The following DIP2A variants were observed in gnomAD, a reference collection of about 807,000 sequenced individuals.
DIP2A encodes the protein disco-interacting protein 2 homolog A.
DIP2A carries 85 observed loss-of-function variants against 177.4 expected under a neutral mutation model. The observed-to-expected ratio is 0.48, with a 90% confidence interval of 0.40 to 0.57. The LOEUF is 0.57. Ranked by LOEUF, DIP2A falls within the 20% of genes least tolerant of loss-of-function variation. DIP2A has a pLI of 0.00. For missense variants in DIP2A, 1,791 were observed against 2,100.2 expected (o/e 0.85, Z 2.88); for synonymous variants, 886 against 881.8 (o/e 1.00, Z -0.08).
chr21:46,574,225 T>C (rs2148936031), downstream of DIP2A, among the ~76,000 whole-genome samples: 1 of 151,976 alleles, frequency 6.6e-6, no homozygotes, highest in South Asian at 2.1e-4. Flanking sequence ...TTAGTGAAAA[T>C]TAACACACTT....
chr21:46,558,597 T>G (rs2060556389), intron 32 of DIP2A: 2 of 608,646 alleles, frequency 3.3e-6, no homozygotes, highest in East Asian at 5.7e-5. Flanking sequence ...AAGGCTTATT[T>G]GGAAAAAAAA....
the DIP2A span, among the ~76,000 whole-genome samples, chr21:46,577,410 T>C: frequency 6.6e-6 from 1 of 152,224 alleles, no homozygotes; most frequent in African/African-American, 2.4e-5. Flanking sequence ...TTGCTTGTTT[T>C]TGTCATGTTT....
chr21:46,555,445 G>A (rs879649746), intron 28 of DIP2A: 1 of 197,860 alleles, frequency 5.1e-6, no homozygotes, highest in Non-Finnish European at 1.1e-5. Flanking sequence ...GGCAGGCTCA[G>A]AGCCAAACAG....
the DIP2A span, among the ~76,000 whole-genome samples, chr21:46,582,542 C>T: frequency 6.6e-6 from 1 of 152,154 alleles, no homozygotes; most frequent in East Asian, 1.9e-4. Flanking sequence ...TCACTGCCTC[C>T]CTTGGCTGGG....
the DIP2A span, among the ~76,000 whole-genome samples, chr21:46,582,178 A>G: frequency 6.6e-6 from 1 of 152,138 alleles, no homozygotes; most frequent in Non-Finnish European, 1.5e-5. Context: ...CTGCCCATTG[A>G]CGGGGAATGG....
Position 46,568,575 on chromosome 21 carries a change from A to G in DIP2A, c.*953A>G, listed in dbSNP as rs532996717. 1 of 152,358 alleles carries G rather than the reference A, an allele frequency of 6.6e-6. No individual in the cohort carries two copies. Among genetic ancestry groups the G allele is most frequent in the African/African-American group, 2.4e-5 (1 of 41,588 alleles). 9.4% of individuals were successfully genotyped at this position (152,358 alleles called of 1,614,324 possible). On this transcript the variant is annotated 3_prime_UTR_variant, in exon 38 of 38. Coordinates refer to ENST00000417564, the MANE Select transcript of DIP2A (RefSeq NM_015151.4). ...CAGCATGTATTGTCACGGACACTCAATAAGTGCCATTTTGGACTGTCAAAT... is the reference window on the plus strand; with the variant it reads ...CAGCATGTATTGTCACGGACACTCAGTAAGTGCCATTTTGGACTGTCAAAT...
At position 46,539,931 on chromosome 21, in the gene DIP2A, G is replaced by C; in HGVS notation, c.1976G>C (p.Arg659Thr). The C allele has an allele frequency of 1.1e-5, 18 of 1,614,060 alleles. No individual in the cohort carries two copies. The highest frequency in any genetic ancestry group is 1.5e-5 in the Non-Finnish European group (18 of 1,179,900). Residue 659 changes from arginine (R) to threonine (T), a missense_variant, in exon 17 of 38, where the codon AGG becomes ACG. By Grantham distance (71) the Arg-to-Thr change is moderately conservative (BLOSUM62 -1). Coordinates refer to ENST00000417564, the MANE Select transcript of DIP2A (RefSeq NM_015151.4). ...AACGTCTTCCAGTCCAGAGGTCTGAGGCCAGAGGTCATCTGTCCTTGTGCA... is the reference window on the plus strand; with the variant it reads ...AACGTCTTCCAGTCCAGAGGTCTGACGCCAGAGGTCATCTGTCCTTGTGCA... ...FLNVFQSRGL[R>T]PEVICPCASS...
rs75991528 is a variant in DIP2A, at chr21:46,507,647, C to T, written c.785-1610C>T. 2.8e-3 allele frequency among the ~76,000 whole-genome samples: 406 copies of T among 144,702 alleles called. 4 individuals carry two copies. Among genetic ancestry groups the T allele is most frequent in the African/African-American group, 1.0e-2 (391 of 39,288 alleles). The allele number at this position is 144,702 out of a possible 152,430, so 94.9% of individuals were successfully genotyped here. ...TTTTCTTAAAATTCTTGAAATTATACAGTTTGAGTCCTCCAACTCTGCTTT... is the reference window on the plus strand; with the variant it reads ...TTTTCTTAAAATTCTTGAAATTATATAGTTTGAGTCCTCCAACTCTGCTTT... On this transcript the variant is annotated intron_variant, in intron 6 of 37. Coordinates refer to ENST00000417564, the MANE Select transcript of DIP2A (RefSeq NM_015151.4).
At chr21:46,581,805 C>T in the DIP2A span, among the ~76,000 whole-genome samples, 1 of 152,150 alleles carries the variant, frequency 6.6e-6, no homozygotes, top group Admixed American at 6.5e-5. Flanking sequence ...AAGATGGCTG[C>T]CTGATCCTTC....
At chr21:46,482,528 TTA>T (rs1437242722) in intron 1 of DIP2A, among the ~76,000 whole-genome samples, 1 of 152,228 alleles carries the variant, frequency 6.6e-6, no homozygotes, top group African/African-American at 2.4e-5. Context: ...ACTGTACAAT[TTA>T]TTGTTATTTT....
Position 46,560,702 on chromosome 21 carries a change from C to A in DIP2A, c.3970-20C>A. ...AAGTGAGGCCCCTGAACAGAAGTTC[C>A]TCTGCTGCTCTCCTTCCAGGGCACA... On this transcript the variant is annotated intron_variant, in intron 32 of 37. Transcript: ENST00000417564. The A allele has an allele frequency of 6.2e-7, 1 of 1,601,080 alleles. No homozygotes were observed. Among genetic ancestry groups the A allele is most frequent in the East Asian group, 2.3e-5 (1 of 44,174 alleles).
In DIP2A at chr21:46,475,965, G is replaced by A. The variant is rs577690976; in HGVS notation, c.92-8792G>A. On this transcript the variant is annotated intron_variant, in intron 1 of 37. Coordinates refer to ENST00000417564, the MANE Select transcript of DIP2A (RefSeq NM_015151.4). Reference sequence around the variant, plus strand: ...AAATTATGATGATTGGCTGGGCGCAGTGGCTCACGCCTGTAATCCCAGCAC... The same window carrying A: ...AAATTATGATGATTGGCTGGGCGCAATGGCTCACGCCTGTAATCCCAGCAC... 2.6e-5 allele frequency among the ~76,000 whole-genome samples: 4 copies of A among 152,160 alleles called. No homozygotes were observed. The South Asian group carries it at 8.3e-4, about 31-fold the overall frequency.
intron 1 of DIP2A, among the ~76,000 whole-genome samples, chr21:46,483,971 A>T (rs2148430009): frequency 6.6e-6 from 1 of 152,340 alleles, no homozygotes; most frequent in South Asian, 2.1e-4. Flanking sequence ...AAGTGTTTTC[A>T]TGATGGTGCA....
rs915221003 is a variant in DIP2A at position 46,568,212 on chromosome 21, C to T, written c.*590C>T. ...TGGTCACACACAGTGCCTCCTCTGCCAGTTCCTTTATTGAAAGAGGTGTGC... is the reference window on the plus strand; with the variant it reads ...TGGTCACACACAGTGCCTCCTCTGCTAGTTCCTTTATTGAAAGAGGTGTGC... On this transcript the variant is annotated 3_prime_UTR_variant, in exon 38 of 38. Coordinates refer to ENST00000417564, the MANE Select transcript of DIP2A (RefSeq NM_015151.4). The T allele has an allele frequency of 6.6e-6, 1 of 152,230 alleles. No individual in the cohort carries two copies. Among genetic ancestry groups the T allele is most frequent in the Middle Eastern group, 3.1e-3 (1 of 318 alleles). 9.4% of individuals were successfully genotyped at this position (152,230 alleles called of 1,614,324 possible).
At chr21:46,546,791 C>A in intron 20 of DIP2A, 124 bp from the exon 21 acceptor site, 3 of 1,098,132 alleles carry the variant, frequency 2.7e-6, no homozygotes, top group Non-Finnish European at 1.3e-6. Flanking sequence ...GGGGCATTGA[C>A]CCGTTTGCAA....
At chr21:46,470,046 A>G (rs568016312) in intron 1 of DIP2A, among the ~76,000 whole-genome samples, 1 of 152,376 alleles carries the variant, frequency 6.6e-6, no homozygotes, top group African/African-American at 2.4e-5. Flanking sequence ...TTAGTATAAA[A>G]ATGAATTCAG....
At chr21:46,464,175 C>T (rs957972602) in intron 1 of DIP2A, among the ~76,000 whole-genome samples, 44 of 151,544 alleles carry the variant, frequency 2.9e-4, no homozygotes, top group African/African-American at 1.0e-3. Context: ...GGGTGGATCA[C>T]CTGAGGTTAG....
chr21:46,522,523 G>T (rs2058866620), intron 8 of DIP2A, among the ~76,000 whole-genome samples: 1 of 152,224 alleles, frequency 6.6e-6, no homozygotes, highest in African/African-American at 2.4e-5. Flanking sequence ...CCCCATGGGA[G>T]TGTTATCTCT....
intron 5 of DIP2A, among the ~76,000 whole-genome samples, chr21:46,503,474 T>A (rs2057769837): frequency 6.6e-6 from 1 of 152,144 alleles, no homozygotes; most frequent in Non-Finnish European, 1.5e-5. Context: ...GGGGTTGTAG[T>A]AGTTTGTATG....
Sources: allele counts gnomAD v4.1 joint callset (sites outside exome capture counted in the v4.1 genomes callset), GRCh38; gene constraint gnomAD v4.1.1; transcripts MANE v1.5; gene names NCBI Gene and HGNC (gene_info 2026-07-23, HGNC 2026-07-21).